The following TLCD3B variants were observed in gnomAD, a reference collection of about 807,000 sequenced individuals.
TLCD3B encodes the protein ceramide synthase.
A neutral mutation model predicts 23.0 loss-of-function variants in TLCD3B; 9 were observed. The observed-to-expected ratio is 0.39, with a 90% CI of 0.24 to 0.68. The LOEUF is 0.68. Ranked by LOEUF, TLCD3B falls within the 30% of genes least tolerant of loss-of-function variation. The pLI is 0.44. For synonymous variants in TLCD3B, 161 were observed against 161.0 expected, an observed-to-expected ratio of 1.00 and a Z score of 0.00; for missense variants, 307 against 371.8, an observed-to-expected ratio of 0.83 and a Z score of 1.43.
chr16:30,027,118 A>G (rs559969168), intron 2 of TLCD3B: 16 of 555,716 alleles, frequency 2.9e-5, no homozygotes, highest in Non-Finnish European at 4.1e-5. Flanking sequence ...AGACCAGAAG[A>G]TGCCCACAGA....
chr16:30,033,498 C>T (rs2071409694), upstream of TLCD3B: 7 of 152,280 alleles, frequency 4.6e-5, no homozygotes, highest in South Asian at 1.5e-3. Context: ...ACCTCCTACG[C>T]CTCCTGTGGT....
upstream of TLCD3B, chr16:30,033,705 A>C (rs2071413292): frequency 6.6e-6 from 1 of 152,180 alleles, no homozygotes. Context: ...CATGCCTGTA[A>C]TCCTAGCACT....
chr16:30,030,163 G>C (rs750870546), intron 1 of TLCD3B: 66 of 1,477,684 alleles, frequency 4.5e-5, no homozygotes, highest in Non-Finnish European at 5.4e-5. Context: ...GAGGGTGTAC[G>C]GGGAAGAAGA....
Position 30,030,395 on chromosome 16 carries a change from T to C in TLCD3B, c.125+8A>G. The C allele has an allele frequency of 6.4e-7, 1 of 1,558,516 alleles. No individual in the cohort carries two copies. Among genetic ancestry groups the C allele is most frequent in the South Asian group, 1.2e-5 (1 of 82,288 alleles). ...AGACAGGGGCTGAGGGGAAAGAAAGTGGTTTACCTGGCTGAGACAATGACT... is the reference window on the plus strand; with the variant it reads ...AGACAGGGGCTGAGGGGAAAGAAAGCGGTTTACCTGGCTGAGACAATGACT... On this transcript the variant is annotated splice_region_variant and intron_variant, in intron 1 of 4. Transcript: ENST00000380495.
At chr16:30,033,303 T>C (rs1452539452), upstream of TLCD3B, 1 of 152,248 alleles carries the variant, frequency 6.6e-6, no homozygotes, top group Admixed American at 6.6e-5. Flanking sequence ...AAGCCACTCA[T>C]GAGCAAAACT....
At chr16:30,036,009 C>T (rs1332752126), upstream of TLCD3B, 5 of 707,704 alleles carry the variant, frequency 7.1e-6, no homozygotes, top group East Asian at 1.3e-4. Flanking sequence ...GTGATCTGCC[C>T]GCTTCGGCCT....
In TLCD3B at chr16:30,030,849, G is replaced by A; in HGVS notation, c.-322C>T. ...AGAGAGGAAGAGGGGACAGGAGGAG[G>A]AGGATGCGGATGGGGGAGGGGAGGG... On this transcript the variant is annotated 5_prime_UTR_variant, in exon 1 of 5. Coordinates refer to ENST00000380495, the MANE Select transcript of TLCD3B (RefSeq NM_031478.6). The A allele has an allele frequency of 2.0e-6, 2 of 1,009,662 alleles. No individual in the cohort carries two copies. Among genetic ancestry groups the A allele is most frequent in the Non-Finnish European group, 2.4e-6 (2 of 843,246 alleles). The allele number at this position is 1,009,662 out of a possible 1,614,324, so 62.5% of individuals were successfully genotyped here.
At chr16:30,042,182 T>A (rs774576355) in intron 2 of TLCD3B, among the ~76,000 whole-genome samples, 12 of 152,136 alleles carry the variant, frequency 7.9e-5, no homozygotes, top group Non-Finnish European at 1.2e-4. Context: ...GAAGGCATCA[T>A]TGTCCTAATG....
chr16:30,049,007 G>T (rs2071713203), intron 1 of TLCD3B, among the ~76,000 whole-genome samples: 1 of 152,152 alleles, frequency 6.6e-6, no homozygotes, highest in Non-Finnish European at 1.5e-5. Context: ...CTGACCTCAG[G>T]TGGTCCGCCT....
At chr16:30,047,541 C>T (rs947174395) in intron 1 of TLCD3B, among the ~76,000 whole-genome samples, 34 of 152,168 alleles carry the variant, frequency 2.2e-4, no homozygotes, top group Non-Finnish European at 3.1e-4. Flanking sequence ...AGGCTGGTCA[C>T]GAACTCCTGA....
chr16:30,027,445 C>T (rs1312650362), intron 2 of TLCD3B, among the ~76,000 whole-genome samples: 2 of 152,204 alleles, frequency 1.3e-5, no homozygotes, highest in African/African-American at 4.8e-5. Context: ...GGGACATGGG[C>T]GGTGTGGCTC....
rs138174628 is a variant in TLCD3B at position 30,025,300 on chromosome 16, C to T, written c.708G>A (p.Leu236=). The change falls in exon 5 of 5, where the codon CTG becomes CTA. Residue 236 remains leucine, a synonymous_variant. Coordinates refer to ENST00000380495, the MANE Select transcript of TLCD3B (RefSeq NM_031478.6). This position sits in a 1 kb window ranked among gnomAD's most constrained non-coding sequence, Gnocchi z 4.1. ...VPLAIPAHVN[L]GAALLLAPQL... is the part of the protein sequence containing the mutation. ...GAGGGGCCAGGAGCAGCGCAGCGCCCAGGTTGACGTGGGCAGGGATGGCCA... is the reference window on the plus strand; with the variant it reads ...GAGGGGCCAGGAGCAGCGCAGCGCCTAGGTTGACGTGGGCAGGGATGGCCA... The T allele has an allele frequency of 1.3e-4, 202 of 1,557,972 alleles. No homozygotes were observed. The African/African-American group carries it at 2.3e-3, about 18-fold the overall frequency.
intron 3 of TLCD3B, among the ~76,000 whole-genome samples, chr16:30,026,041 G>A (rs1017741832): frequency 1.1e-4 from 17 of 152,074 alleles, no homozygotes; most frequent in Admixed American, 2.6e-4. Flanking sequence ...AGACCAGCCT[G>A]GCCAACATGG....
At position 30,025,794 on chromosome 16, in the gene TLCD3B, A is replaced by G; in HGVS notation, c.472T>C (p.Phe158Leu). Residue 158 changes from phenylalanine to leucine, a missense_variant, in exon 4 of 5, where the codon TTT (phenylalanine) becomes CTT (leucine). Phe to Leu is a conservative substitution (Grantham distance 22, BLOSUM62 0). Coordinates refer to ENST00000380495, the MANE Select transcript of TLCD3B (RefSeq NM_031478.6). This position sits in a 1 kb window ranked among gnomAD's most constrained non-coding sequence, Gnocchi z 4.1. ...VVWRQGKGDFFLGCMLMAEVS... is the reference protein window; with the variant it reads ...VVWRQGKGDFLLGCMLMAEVS... Reference sequence around the variant, plus strand: ...TCTGCCATCAACATGCAACCCAGAAAGAAGTCTCCCTTACCCTGTCGCCAC... The same window carrying G: ...TCTGCCATCAACATGCAACCCAGAAGGAAGTCTCCCTTACCCTGTCGCCAC... 4 of 1,614,086 alleles carry G rather than the reference A, an allele frequency of 2.5e-6. No homozygotes were observed. The highest frequency in any genetic ancestry group is 3.4e-6 in the Non-Finnish European group (4 of 1,180,020).
rs866601370 is a variant in TLCD3B at position 30,030,670 on chromosome 16, G to C, written c.-143C>G. 7.6e-7 allele frequency: 1 copy of C among 1,319,470 alleles called. No individual in the cohort carries two copies. The highest frequency in any genetic ancestry group is 1.6e-5 in the African/African-American group (1 of 64,112). The allele number at this position is 1,319,470 out of a possible 1,614,324, so 81.7% of individuals were successfully genotyped here. A position where few individuals can be genotyped will look rare whatever the true frequency, so the allele number is the denominator to read the frequency against. ...AGAAGGGGCACAAAGGGGCCAGGGCGGGGACGGGATGGGGCCAGGGAGTCC... is the reference window on the plus strand; with the variant it reads ...AGAAGGGGCACAAAGGGGCCAGGGCCGGGACGGGATGGGGCCAGGGAGTCC... On this transcript the variant is annotated 5_prime_UTR_variant, in exon 1 of 5. Transcript: ENST00000380495.
Position 30,029,963 on chromosome 16 carries a change from C to A in TLCD3B, c.125+440G>T. The A allele has an allele frequency of 1.7e-6, 2 of 1,197,624 alleles. No homozygotes were observed. The allele number at this position is 1,197,624 out of a possible 1,614,324, so 74.2% of individuals were successfully genotyped here. A position where few individuals can be genotyped will look rare whatever the true frequency, so the allele number is the denominator to read the frequency against. On this transcript the variant is annotated intron_variant, in intron 1 of 4. Transcript: ENST00000380495. This position sits in a 1 kb window ranked among gnomAD's most constrained non-coding sequence, Gnocchi z 4.6. The stretch of plus-strand genomic sequence containing the variant: ...TTCCCCAGTCACTTTCCCACTGTCT[C>A]CTGACTGCCACCAGCCTCCACTCTG...
chr16:30,047,743 G>A (rs1007611817), intron 1 of TLCD3B, among the ~76,000 whole-genome samples: 105 of 151,172 alleles, frequency 6.9e-4, no homozygotes, highest in Non-Finnish European at 1.3e-3. Context: ...ACAGGTGTGA[G>A]CCACTGTACG....
At chr16:30,041,976 G>C (rs574332013) in intron 2 of TLCD3B, among the ~76,000 whole-genome samples, 4 of 152,266 alleles carry the variant, frequency 2.6e-5, no homozygotes, top group Admixed American at 2.6e-4. Flanking sequence ...AAAAATCTTG[G>C]TTTGGAGAGC....
At chr16:30,049,737 C>T (rs762026342) in intron 1 of TLCD3B, among the ~76,000 whole-genome samples, 4 of 152,028 alleles carry the variant, frequency 2.6e-5, no homozygotes, top group Non-Finnish European at 4.4e-5. Context: ...CTAGCCTGGC[C>T]AACATGGTGA....
Sources: allele counts gnomAD v4.1 joint callset (sites outside exome capture counted in the v4.1 genomes callset), GRCh38; gene constraint gnomAD v4.1.1; non-coding constraint Gnocchi (gnomAD v3.1); transcripts MANE v1.5; gene names NCBI Gene and HGNC (gene_info 2026-07-23, HGNC 2026-07-21).